Variants in GLUL observed in about 807,000 individuals in gnomAD.
GLUL encodes glutamate-ammonia ligase, also known as glutamine synthetase.
GLUL carries 8 observed loss-of-function variants against 36.9 expected under a neutral mutation model. That is an observed-to-expected ratio of 0.22 (90% CI 0.13 to 0.39). The LOEUF (loss-of-function observed/expected upper bound fraction) is 0.39, where lower values mean the gene tolerates loss of function less well. Among genes scored for constraint, GLUL ranks in the 10% least tolerant of loss-of-function variants. GLUL has a pLI of 1.00. For missense variants in GLUL, 315 were observed against 501.8 expected, an observed-to-expected ratio of 0.63 and a Z score of 3.56; for synonymous variants, 182 against 172.8, an observed-to-expected ratio of 1.05 and a Z score of -0.42.
chr1:182,390,704 T>A (rs965345886), intron 1 of GLUL: 31 of 398,948 alleles, frequency 7.8e-5, no homozygotes, highest in Non-Finnish European at 2.7e-5. Context: ...GGTCTTAATC[T>A]TGACTCGAGA....
In GLUL at chr1:182,387,229, A is replaced by G. The variant is rs1331095641; in HGVS notation, c.230T>C (p.Met77Thr). ...TLQSEGSNSD[M>T]YLVPAAMFRD... ...AAACATGGCAGCAGGCACGAGATAC[A>G]TGTCACTGTTGGAACCCTCAGACTG... Residue 77 changes from methionine (M) to threonine (T), a missense_variant, in exon 3 of 7, where the codon ATG (methionine) becomes ACG (threonine). Physicochemically the swap from Met to Thr is moderately conservative, Grantham distance 81 (BLOSUM62 -1). Coordinates refer to ENST00000331872, the MANE Select transcript of GLUL (RefSeq NM_001033044.4). 1 of 1,612,116 alleles carries G rather than the reference A, an allele frequency of 6.2e-7. No homozygotes were observed. The highest frequency in any genetic ancestry group is 8.5e-7 in the Non-Finnish European group (1 of 1,178,220).
chr1:182,388,866 C>CA, intron 1 of GLUL, 116 bp from the exon 2 acceptor site: 1 of 803,980 alleles, frequency 1.2e-6, no homozygotes, highest in Non-Finnish European at 2.2e-6. Context: ...CAACTCCTTC[C>CA]CTTGTGGAAG....
In GLUL at chr1:182,380,184, C is replaced by T. The variant is rs1649878025; in HGVS notation, c.*4221G>A. Among the ~76,000 whole-genome samples the T allele has an allele frequency of 6.6e-6, 1 of 152,172 alleles. No individual in the cohort carries two copies. Among genetic ancestry groups the T allele is most frequent in the South Asian group, 2.1e-4 (1 of 4,832 alleles). On this transcript the variant is annotated 3_prime_UTR_variant, in exon 7 of 7. Coordinates refer to ENST00000331872, the MANE Select transcript of GLUL (RefSeq NM_001033044.4). ...TAAAGCAACACAAGGCTCTTGGTAG[C>T]CTGATTACAATGAGAATTAATTAAG... is the stretch of plus-strand genomic sequence containing the variant.
chr1:182,388,084 T>G (rs1156505996), intron 2 of GLUL, among the ~76,000 whole-genome samples: 4 of 152,140 alleles, frequency 2.6e-5, no homozygotes, highest in Non-Finnish European at 5.9e-5. Context: ...ACGCAATTAG[T>G]TTAAGAATTT....
rs751326496 is a variant in GLUL, at chr1:182,380,368, T to C, written c.*4037A>G. ...TGTCACCCAGGCTGGAGTGCAGTGGTGCAATCACAATTCACTGCAGCTTCA... is the reference window on the plus strand; with the variant it reads ...TGTCACCCAGGCTGGAGTGCAGTGGCGCAATCACAATTCACTGCAGCTTCA... On this transcript the variant is annotated 3_prime_UTR_variant, in exon 7 of 7. Coordinates refer to ENST00000331872, the MANE Select transcript of GLUL (RefSeq NM_001033044.4). 1.3e-5 allele frequency among the ~76,000 whole-genome samples: 2 copies of C among 152,184 alleles called. No individual in the cohort carries two copies. The highest frequency in any genetic ancestry group is 2.4e-5 in the African/African-American group (1 of 41,438).
intron 1 of GLUL, chr1:182,390,983 C>T (rs1019222978): frequency 3.8e-5 from 15 of 397,828 alleles, no homozygotes; most frequent in Non-Finnish European, 4.0e-5. Flanking sequence ...GGTGGCCATA[C>T]CCTGCCGCCG....
rs766628102 is a variant in GLUL, at chr1:182,385,781, A to G, written c.582T>C (p.Asn194=). 5.0e-6 allele frequency: 8 copies of G among 1,614,034 alleles called. No homozygotes were observed. The highest frequency in any genetic ancestry group is 8.5e-7 in the Non-Finnish European group (1 of 1,180,044). The change falls in exon 5 of 7, where the codon AAT becomes AAC. Residue 194 remains asparagine (N), a synonymous_variant. Transcript: ENST00000331872. ...LYAGVKIAGT[N]AEVMPAQWEF... ...TTACCTGGGCAGGCATGACCTCGGCATTAGTCCCCGCAATCTTGACTCCAG... is the reference window on the plus strand; with the variant it reads ...TTACCTGGGCAGGCATGACCTCGGCGTTAGTCCCCGCAATCTTGACTCCAG...
chr1:182,387,779 C>G (rs1370201332), intron 2 of GLUL, among the ~76,000 whole-genome samples: 1 of 152,222 alleles, frequency 6.6e-6, no homozygotes, highest in Non-Finnish European at 1.5e-5. Flanking sequence ...ACCTTTCCCA[C>G]TGTTTTGAAG....
At position 182,380,942 on chromosome 1, in the gene GLUL, C is replaced by T. The variant is rs1174277191; in HGVS notation, c.*3463G>A. Among the ~76,000 whole-genome samples the T allele has an allele frequency of 3.3e-5, 5 of 152,230 alleles. No homozygotes were observed. The highest frequency in any genetic ancestry group is 2.1e-4 in the South Asian group (1 of 4,834). ...CTACCCTTCTACACAGACAGCAGCA[C>T]AGATCTGGCTTTTTACATGGCCCTA... On this transcript the variant is annotated 3_prime_UTR_variant, in exon 7 of 7. Coordinates refer to ENST00000331872, the MANE Select transcript of GLUL (RefSeq NM_001033044.4).
chr1:182,379,116 T>A lies in GLUL; in HGVS notation c.*5289A>T, dbSNP rs1195915705. On this transcript the variant is annotated 3_prime_UTR_variant, in exon 7 of 7. Coordinates refer to ENST00000331872, the MANE Select transcript of GLUL (RefSeq NM_001033044.4). ...ATTTTTTTAAATGAACGGTCGGAGA[T>A]CGAGCTAAAGGCTATAAAATGGCAG... 1.3e-5 allele frequency among the ~76,000 whole-genome samples: 2 copies of A among 152,026 alleles called. No individual in the cohort carries two copies. The highest frequency in any genetic ancestry group is 2.9e-5 in the Non-Finnish European group (2 of 67,988).
In GLUL at chr1:182,382,361, A is replaced by T; in HGVS notation, c.*2044T>A. Reference sequence around the variant, plus strand: ...GGCAAGGGCACAGGTGACAACACAGAGCTTTTGAGAATCACAATCGGTCCA... The same window carrying T: ...GGCAAGGGCACAGGTGACAACACAGTGCTTTTGAGAATCACAATCGGTCCA... On this transcript the variant is annotated 3_prime_UTR_variant, in exon 7 of 7. Coordinates refer to ENST00000331872, the MANE Select transcript of GLUL (RefSeq NM_001033044.4). 1 of 152,170 alleles carries T rather than the reference A, an allele frequency of 6.6e-6. No homozygotes were observed. Among genetic ancestry groups the T allele is most frequent in the African/African-American group, 2.4e-5 (1 of 41,426 alleles). The allele number at this position is 152,170 out of a possible 1,614,324, so 9.4% of individuals were successfully genotyped here.
chr1:182,385,220 G>T (rs996201967), intron 6 of GLUL, 137 bp downstream of exon 6: 2 of 720,796 alleles, frequency 2.8e-6, no homozygotes, highest in Admixed American at 2.0e-5. Context: ...CGTCCAGACT[G>T]AGAAGTCAAG....
chr1:182,386,195 G>A (rs777035195), intron 4 of GLUL, 61 bp downstream of exon 4: 20 of 1,470,910 alleles, frequency 1.4e-5, no homozygotes, highest in Non-Finnish European at 1.7e-5. Flanking sequence ...TCCCTGGGAA[G>A]GGGCATTCCT....
rs749842803 is a variant in GLUL at position 182,386,347 on chromosome 1, G to T, written c.384C>A (p.His128Gln). 3 of 1,610,140 alleles carry T rather than the reference G, an allele frequency of 1.9e-6. No homozygotes were observed. In the Admixed American group the frequency reaches 5.0e-5, roughly 27 times the overall value. The change falls in exon 4 of 7, where the codon CAC becomes CAA. Residue 128 changes from histidine (H) to glutamine (Q), a missense_variant. By Grantham distance (24) the His-to-Gln change is conservative. This residue lies in a region of GLUL where 256 missense variants were observed against 396.1 expected (regional missense o/e 0.65). Coordinates refer to ENST00000331872, the MANE Select transcript of GLUL (RefSeq NM_001033044.4). ...KRIMDMVSNQ[H>Q]PWFGMEQEYT... ...ACTCCTGCTCCATGCCAAACCAGGG[G>T]TGCTGGTTGCTCACCATGTCCATTA...
Position 182,383,233 on chromosome 1 carries a change from A to G in GLUL, c.*1172T>C, listed in dbSNP as rs929187878. 4 of 152,230 alleles carry G rather than the reference A, an allele frequency of 2.6e-5. No individual in the cohort carries two copies. The highest frequency in any genetic ancestry group is 2.0e-4 in the Admixed American group (3 of 15,288). The allele number at this position is 152,230 out of a possible 1,614,324, so 9.4% of individuals were successfully genotyped here. ...TAGGAGACAGTTGAAGCAAACAAGC[A>G]ATTCTGTAAAAATTACCTAGAAACC... On this transcript the variant is annotated 3_prime_UTR_variant, in exon 7 of 7. Coordinates refer to ENST00000331872, the MANE Select transcript of GLUL (RefSeq NM_001033044.4).
rs956052165 is a variant in GLUL at position 182,384,253 on chromosome 1, C to T, written c.*152G>A. ...ACTTGACCCCTCTATCCCAGCCAAA[C>T]AAAGAAAGCAAGATTAACTGGGCAC... is the stretch of plus-strand genomic sequence containing the variant. On this transcript the variant is annotated 3_prime_UTR_variant, in exon 7 of 7. Coordinates refer to ENST00000331872, the MANE Select transcript of GLUL (RefSeq NM_001033044.4). 4.3e-6 allele frequency: 3 copies of T among 702,678 alleles called. No individual in the cohort carries two copies. The highest frequency in any genetic ancestry group is 2.1e-5 in the Admixed American group (1 of 48,160). The allele number at this position is 702,678 out of a possible 1,614,324, so 43.5% of individuals were successfully genotyped here.
chr1:182,385,726 C>A, intron 5 of GLUL, 34 bp downstream of exon 5: 4 of 1,613,276 alleles, frequency 2.5e-6, no homozygotes, highest in Non-Finnish European at 3.4e-6. Flanking sequence ...CACCTACCTA[C>A]CCTTCTTCAT....
At chr1:182,387,024 G>T in intron 3 of GLUL, 107 bp downstream of exon 3, 1 of 867,558 alleles carries the variant, frequency 1.2e-6, no homozygotes, top group Non-Finnish European at 2.0e-6. Context: ...TTAAAATAGT[G>T]CTGAAATTGC....
Position 182,384,375 on chromosome 1 carries a change from A to AG in GLUL, c.*29dup, listed in dbSNP as rs768772634. 3 of 1,449,838 alleles carry AG rather than the reference A, an allele frequency of 2.1e-6. No homozygotes were observed. In the South Asian group the frequency reaches 3.4e-5, roughly 17 times the overall value. The allele number at this position is 1,449,838 out of a possible 1,614,324, so 89.8% of individuals were successfully genotyped here. A position where few individuals can be genotyped will look rare whatever the true frequency, so the allele number is the denominator to read the frequency against. On this transcript the variant is annotated 3_prime_UTR_variant, in exon 7 of 7. Transcript: ENST00000331872. Reference sequence around the variant, plus strand: ...AGTTGGAGTGGGATGAAGAACTAGGAGGGGCTCAACAGCTGGAGGTCTAGT... The same window carrying AG: ...AGTTGGAGTGGGATGAAGAACTAGGAGGGGGCTCAACAGCTGGAGGTCTAGT...
Sources: allele counts gnomAD v4.1 joint callset (sites outside exome capture counted in the v4.1 genomes callset), GRCh38; gene constraint gnomAD v4.1.1; regional missense constraint gnomAD v4.1.1; transcripts MANE v1.5; gene names NCBI Gene and HGNC (gene_info 2026-07-23, HGNC 2026-07-21).